The following ST6GAL1 variants were observed in gnomAD, a reference collection of about 807,000 sequenced individuals.
ST6GAL1 encodes beta-galactoside alpha-2,6-sialyltransferase 1.
ST6GAL1 carries 20 observed loss-of-function variants against 38.0 expected under a neutral mutation model. That is an observed-to-expected ratio of 0.53 (90% CI 0.37 to 0.77). The LOEUF (loss-of-function observed/expected upper bound fraction) is 0.77, where lower values mean the gene tolerates loss of function less well. Among genes scored for constraint, ST6GAL1 ranks in the 30% least tolerant of loss-of-function variants. The pLI, the probability that ST6GAL1 is intolerant of heterozygous loss-of-function variation, is 0.00. For missense variants in ST6GAL1, 432 were observed against 496.4 expected (o/e 0.87, Z 1.23); for synonymous variants, 196 against 188.2 (o/e 1.04, Z -0.34).
At chr3:186,991,056 T>C (rs1263335866) in intron 2 of ST6GAL1, among the ~76,000 whole-genome samples, 4 of 152,322 alleles carry the variant, frequency 2.6e-5, no homozygotes, top group African/African-American at 9.6e-5. Flanking sequence ...TTTTTTCTTT[T>C]TCTCATGTGG....
intron 2 of ST6GAL1, among the ~76,000 whole-genome samples, chr3:187,024,314 TG>T (rs1210151418): frequency 2.0e-5 from 3 of 151,564 alleles, no homozygotes; most frequent in Non-Finnish European, 4.4e-5. Flanking sequence ...CAGATGGTCT[TG>T]ATCTCCTGAC....
intron 2 of ST6GAL1, among the ~76,000 whole-genome samples, chr3:187,008,169 A>G (rs1716843276): frequency 1.3e-5 from 2 of 152,294 alleles, no homozygotes; most frequent in East Asian, 1.9e-4. Flanking sequence ...GTATCTTCAC[A>G]AATTGAAGAA....
chr3:187,027,092 CAAAT>C (rs1388044578), intron 2 of ST6GAL1, among the ~76,000 whole-genome samples: 2 of 151,428 alleles, frequency 1.3e-5, no homozygotes, highest in East Asian at 1.9e-4. Flanking sequence ...ATAAAATAAA[CAAAT>C]AAATAAAAAA....
intron 1 of ST6GAL1, among the ~76,000 whole-genome samples, chr3:186,946,534 T>A (rs1325499573): frequency 4.6e-5 from 7 of 152,218 alleles, no homozygotes; most frequent in African/African-American, 1.4e-4. Flanking sequence ...TCTGAGCCAC[T>A]GCTCCTGACC....
chr3:186,958,694 G>A (rs9798820), intron 1 of ST6GAL1, among the ~76,000 whole-genome samples: 20,178 of 152,188 alleles, frequency 0.13, 1,540 homozygotes, highest in South Asian at 0.24. Context: ...GCTCATGCCT[G>A]TAATCCCACT....
intron 2 of ST6GAL1, among the ~76,000 whole-genome samples, chr3:187,024,480 A>G (rs1443287089): frequency 3.8e-5 from 2 of 52,718 alleles, no homozygotes; most frequent in African/African-American, 1.4e-4. Context: ...ATGTGTATAT[A>G]TATATATATA....
At chr3:187,003,118 T>C (rs1716673199) in intron 2 of ST6GAL1, among the ~76,000 whole-genome samples, 1 of 152,186 alleles carries the variant, frequency 6.6e-6, no homozygotes, top group African/African-American at 2.4e-5. Context: ...CAAATGCCAG[T>C]TGGCCTAAGG....
chr3:187,050,520 A>T (rs1718470211), intron 4 of ST6GAL1, among the ~76,000 whole-genome samples: 1 of 142,078 alleles, frequency 7.0e-6, no homozygotes, highest in African/African-American at 2.7e-5. Context: ...GTTTCTGACA[A>T]TGGCTTACAA....
Position 187,073,031 on chromosome 3 carries a change from G to T in ST6GAL1, c.804+84G>T. The T allele has an allele frequency of 3.9e-6, 4 of 1,029,552 alleles. No homozygotes were observed. In the South Asian group the frequency reaches 5.3e-5, roughly 14 times the overall value. The allele number at this position is 1,029,552 out of a possible 1,614,324, so 63.8% of individuals were successfully genotyped here. The stretch of plus-strand genomic sequence containing the variant: ...TGATTTCCTAGGTTTTTAAAGTCAT[G>T]GCTGACATTGGCTATTCCTAAAGGC... On this transcript the variant is annotated intron_variant, in intron 6 of 7. Transcript: ENST00000169298.
intron 1 of ST6GAL1, among the ~76,000 whole-genome samples, chr3:186,941,221 C>T (rs550447134): frequency 1.2e-4 from 19 of 152,206 alleles, no homozygotes; most frequent in South Asian, 2.1e-4. Flanking sequence ...AACAGGACCT[C>T]GTGGGAGAAC....
chr3:187,066,599 TGC>T lies in ST6GAL1; in HGVS notation c.706-6248_706-6247del, dbSNP rs149508572. On this transcript the variant is annotated intron_variant, in intron 5 of 7. Transcript: ENST00000169298. Reference sequence around the variant, plus strand: ...GGTAATATCTGAAGATGTGCGTGCGTGCGTGTGTGTGTGTGTGTGTGTGTGTG... The same window carrying T: ...GGTAATATCTGAAGATGTGCGTGCGTGTGTGTGTGTGTGTGTGTGTGTGTG... Among the ~76,000 whole-genome samples the T allele has an allele frequency of 2.5e-3, 290 of 118,218 alleles. 2 individuals are homozygous for T. Among genetic ancestry groups the T allele is most frequent in the Non-Finnish European group, 2.7e-3 (147 of 55,324 alleles). 77.6% of individuals were successfully genotyped at this position (118,218 alleles called of 152,430 possible).
intron 2 of ST6GAL1, among the ~76,000 whole-genome samples, chr3:187,011,531 C>T (rs1037525739): frequency 6.6e-6 from 1 of 152,202 alleles, no homozygotes; most frequent in Non-Finnish European, 1.5e-5. Context: ...AAAATGGTAG[C>T]TTTTGTTGTC....
chr3:186,941,928 C>T lies in ST6GAL1; in HGVS notation c.-325+11094C>T, dbSNP rs867271509. Among the ~76,000 whole-genome samples, 10 of 151,736 alleles carry T rather than the reference C, an allele frequency of 6.6e-5. No individual in the cohort carries two copies. In the South Asian group the frequency reaches 1.0e-3, roughly 16 times the overall value. ...TCGGGAGGCGGAGGCAGGACAATGG[C>T]GTGAACCCAGGAGGCCGAGCTTGCA... On this transcript the variant is annotated intron_variant, in intron 1 of 7. Transcript: ENST00000169298.
chr3:186,930,943 A>C (rs971371483), intron 1 of ST6GAL1, 109 bp downstream of exon 1: 1 of 152,974 alleles, frequency 6.5e-6, no homozygotes, highest in Non-Finnish European at 1.5e-5. Context: ...CGGCGCGCGT[A>C]GGGCGCAGGG....
At chr3:186,966,556 C>T (rs567709103) in intron 2 of ST6GAL1, among the ~76,000 whole-genome samples, 100 of 152,342 alleles carry the variant, frequency 6.6e-4, no homozygotes, top group African/African-American at 1.9e-3. Flanking sequence ...GAGTCTCTCC[C>T]GTCGGGGAAT....
chr3:186,964,274 AAC>A (rs149684520), intron 2 of ST6GAL1: 5 of 152,070 alleles, frequency 3.3e-5, no homozygotes, highest in South Asian at 2.1e-4. Flanking sequence ...GCTCTTGGGA[AAC>A]ACACACACAC....
At chr3:187,049,571 G>T (rs1389636098) in intron 4 of ST6GAL1, among the ~76,000 whole-genome samples, 3 of 152,156 alleles carry the variant, frequency 2.0e-5, no homozygotes, top group Non-Finnish European at 4.4e-5. Flanking sequence ...TCAGCTCAGG[G>T]TCTCCGCTCA....
intron 2 of ST6GAL1, among the ~76,000 whole-genome samples, chr3:187,022,325 T>C (rs1393682574): frequency 2.0e-5 from 3 of 151,868 alleles, no homozygotes; most frequent in Non-Finnish European, 4.4e-5. Flanking sequence ...AGAGGAAAGA[T>C]GGCTACAGAG....
chr3:186,971,310 C>T (rs1715342538), intron 2 of ST6GAL1, among the ~76,000 whole-genome samples: 1 of 152,210 alleles, frequency 6.6e-6, no homozygotes, highest in Non-Finnish European at 1.5e-5. Flanking sequence ...AGTGGCCAGT[C>T]TGGTCTCGAA....
Sources: allele counts gnomAD v4.1 joint callset (sites outside exome capture counted in the v4.1 genomes callset), GRCh38; gene constraint gnomAD v4.1.1; transcripts MANE v1.5; gene names NCBI Gene and HGNC (gene_info 2026-07-23, HGNC 2026-07-21).